SEMA3E: variants seen among roughly 807,000 people sequenced by gnomAD.
The protein encoded by SEMA3E is semaphorin-3E.
In SEMA3E, 49 loss-of-function variants were observed where a neutral mutation model predicts 93.6. The observed-to-expected ratio is 0.52, with a 90% CI of 0.42 to 0.66. The LOEUF (loss-of-function observed/expected upper bound fraction) is 0.66, where lower values mean the gene tolerates loss of function less well. Among genes scored for constraint, SEMA3E ranks in the 30% least tolerant of loss-of-function variants. The pLI, the probability that SEMA3E is intolerant of heterozygous loss-of-function variation, is 0.00. For synonymous variants in SEMA3E, 363 were observed against 330.7 expected (o/e 1.10, Z -1.06); for missense variants, 906 against 964.8 (o/e 0.94, Z 0.81).
intron 1 of SEMA3E, among the ~76,000 whole-genome samples, chr7:83,598,268 G>C (rs541568223): frequency 3.3e-5 from 5 of 152,212 alleles, no homozygotes; most frequent in South Asian, 4.1e-4. Context: ...AGATCTTGGA[G>C]CTAGCATTAT....
At chr7:83,507,607 T>G (rs1019782580) in intron 1 of SEMA3E, among the ~76,000 whole-genome samples, 4 of 151,812 alleles carry the variant, frequency 2.6e-5, no homozygotes, top group African/African-American at 7.3e-5. Context: ...ACAATAATTC[T>G]TTCACTTTGC....
intron 1 of SEMA3E, among the ~76,000 whole-genome samples, chr7:83,522,217 CCTTT>C (rs747073381): frequency 1.3e-5 from 2 of 151,964 alleles, no homozygotes; most frequent in Non-Finnish European, 2.9e-5. Context: ...TTTTTGCTTT[CCTTT>C]GTTTCTTTCT....
intron 2 of SEMA3E, among the ~76,000 whole-genome samples, chr7:83,482,564 CAAA>C (rs11429680): frequency 1.2e-5 from 1 of 80,232 alleles, no homozygotes; most frequent in African/African-American, 5.8e-5. Context: ...CACTCCGTCT[CAAA>C]AAAAAAAAAA....
chr7:83,390,138 T>C, intron 14 of SEMA3E, among the ~76,000 whole-genome samples: 1 of 41,306 alleles, frequency 2.4e-5, no homozygotes, highest in East Asian at 8.7e-4. Flanking sequence ...TGTGCACATA[T>C]ATGCGCGTAT....
Position 83,491,115 on chromosome 7 carries a change from CA to C in SEMA3E, c.116-842del, listed in dbSNP as rs201597734. On this transcript the variant is annotated intron_variant, in intron 1 of 16. Transcript: ENST00000643230. ...AGAAGATAACTTTTTTTACAAAGAT[CA>C]ATGCCTAATGCATCTAACAGAGAAT... Among the ~76,000 whole-genome samples, 1,139 of 152,124 alleles carry C rather than the reference CA, an allele frequency of 7.5e-3. 12 individuals carry two copies. Among genetic ancestry groups the C allele is most frequent in the African/African-American group, 0.026 (1,089 of 41,536 alleles).
chr7:83,462,199 C>A (rs1012046449), intron 4 of SEMA3E: 1 of 152,242 alleles, frequency 6.6e-6, no homozygotes, highest in Non-Finnish European at 1.5e-5. Flanking sequence ...GGGTAACTCT[C>A]ACAGTGGAAG....
At chr7:83,531,085 T>A (rs1259087356) in intron 1 of SEMA3E, among the ~76,000 whole-genome samples, 1 of 152,066 alleles carries the variant, frequency 6.6e-6, no homozygotes, top group Admixed American at 6.6e-5. Flanking sequence ...TGCAATAGCA[T>A]GAAAAGTTTT....
chr7:83,528,012 T>A (rs1380440724), intron 1 of SEMA3E, among the ~76,000 whole-genome samples: 3 of 152,072 alleles, frequency 2.0e-5, no homozygotes, highest in Non-Finnish European at 2.9e-5. Context: ...ATACATATAA[T>A]GAAAATGATT....
At position 83,368,042 on chromosome 7, in the gene SEMA3E, C is replaced by A. The variant is rs1321372061; in HGVS notation, c.1876-4G>T. On this transcript the variant is annotated splice_polypyrimidine_tract_variant and splice_region_variant and intron_variant, in intron 16 of 16. Coordinates refer to ENST00000643230, the MANE Select transcript of SEMA3E (RefSeq NM_012431.3). ...CCACTCTGTCATCTGTCTTCACCTG[C>A]AAAAACAAAAAAGTAAATGGCACTG... 20 of 1,613,170 alleles carry A rather than the reference C, an allele frequency of 1.2e-5. No individual in the cohort carries two copies. Among genetic ancestry groups the A allele is most frequent in the Non-Finnish European group, 1.7e-5 (20 of 1,179,722 alleles).
At position 83,597,442 on chromosome 7, in the gene SEMA3E, G is replaced by A. The variant is rs145820839; in HGVS notation, c.115+50986C>T. On this transcript the variant is annotated intron_variant, in intron 1 of 16. Coordinates refer to ENST00000643230, the MANE Select transcript of SEMA3E (RefSeq NM_012431.3). ...TCTGTATCTGTGGACTTTCTAGTAAGGCTTCAATCAAATCAATGCTCTGTA... is the reference window on the plus strand; with the variant it reads ...TCTGTATCTGTGGACTTTCTAGTAAAGCTTCAATCAAATCAATGCTCTGTA... Among the ~76,000 whole-genome samples, 1,500 of 152,166 alleles carry A rather than the reference G, an allele frequency of 9.9e-3. 26 individuals carry two copies. The highest frequency in any genetic ancestry group is 0.034 in the African/African-American group (1,421 of 41,522).
intron 1 of SEMA3E, among the ~76,000 whole-genome samples, chr7:83,546,073 T>C (rs1269943801): frequency 6.8e-6 from 1 of 148,084 alleles, no homozygotes; most frequent in Non-Finnish European, 1.5e-5. Context: ...TATCCCACGA[T>C]GACAAGTATT....
At chr7:83,449,962 A>C (rs1354876748) in intron 4 of SEMA3E, among the ~76,000 whole-genome samples, 2 of 152,202 alleles carry the variant, frequency 1.3e-5, no homozygotes, top group Non-Finnish European at 1.5e-5. Flanking sequence ...GGCAAATGTC[A>C]AACAGCTCTT....
intron 1 of SEMA3E, among the ~76,000 whole-genome samples, chr7:83,640,639 GT>G (rs776086505): frequency 3.2e-4 from 49 of 152,114 alleles, no homozygotes; most frequent in Non-Finnish European, 5.1e-4. Flanking sequence ...CAAAGGTTAT[GT>G]TTTATATTTA....
intron 1 of SEMA3E, among the ~76,000 whole-genome samples, chr7:83,526,975 A>G (rs1015014742): frequency 1.4e-5 from 2 of 147,936 alleles, no homozygotes; most frequent in Admixed American, 1.3e-4. Context: ...TGCGAGTGTG[A>G]CCTTCTTTGC....
Position 83,417,805 on chromosome 7 carries a change from G to A in SEMA3E, c.550+585C>T, listed in dbSNP as rs150013721. 3.5e-3 allele frequency among the ~76,000 whole-genome samples: 535 copies of A among 152,068 alleles called. 3 individuals carry two copies. The highest frequency in any genetic ancestry group is 0.012 in the African/African-American group (504 of 41,466). On this transcript the variant is annotated intron_variant, in intron 5 of 16. Transcript: ENST00000643230. ...GTACTTTGTCTAATTAAATTAAATC[G>A]AATTGAACTCCAGATCCAACTTTAT...
At chr7:83,518,966 T>C (rs925819254) in intron 1 of SEMA3E, among the ~76,000 whole-genome samples, 1 of 152,080 alleles carries the variant, frequency 6.6e-6, no homozygotes, top group Non-Finnish European at 1.5e-5. Flanking sequence ...TTCCTTTCTT[T>C]CTTTTTATTT....
intron 4 of SEMA3E, among the ~76,000 whole-genome samples, chr7:83,460,987 T>C (rs1230561281): frequency 6.6e-6 from 1 of 151,992 alleles, no homozygotes; most frequent in Non-Finnish European, 1.5e-5. Context: ...ACTTAAAAGC[T>C]CTTCAACTCA....
chr7:83,524,794 A>T (rs923295707), intron 1 of SEMA3E, among the ~76,000 whole-genome samples: 1 of 151,870 alleles, frequency 6.6e-6, no homozygotes, highest in African/African-American at 2.4e-5. Context: ...ATACCTCTCA[A>T]TGCTGTGGGA....
At chr7:83,599,873 T>C (rs1172395268) in intron 1 of SEMA3E, among the ~76,000 whole-genome samples, 1 of 152,230 alleles carries the variant, frequency 6.6e-6, no homozygotes, top group African/African-American at 2.4e-5. Context: ...TAAAAGACCG[T>C]GTTTGAAATG....
Sources: allele counts gnomAD v4.1 joint callset (sites outside exome capture counted in the v4.1 genomes callset), GRCh38; gene constraint gnomAD v4.1.1; transcripts MANE v1.5; gene names NCBI Gene and HGNC (gene_info 2026-07-23, HGNC 2026-07-21).